Variants in CABCOCO1 observed in about 807,000 individuals in gnomAD.
The protein encoded by CABCOCO1 is ciliary-associated calcium-binding coiled-coil protein 1.
A neutral mutation model predicts 35.7 loss-of-function variants in CABCOCO1; 28 were observed. The observed-to-expected ratio is 0.78, with a 90% confidence interval of 0.58 to 1.07. The LOEUF (loss-of-function observed/expected upper bound fraction) is 1.07. Ranked by LOEUF, CABCOCO1 falls within the 50% of genes least tolerant of loss-of-function variation. The probability of loss-of-function intolerance (pLI) is 0.00; values close to 1 mark genes in which losing one functional copy is unlikely to be tolerated. For missense variants in CABCOCO1, 326 were observed against 309.2 expected (o/e 1.05, Z -0.41); for synonymous variants, 95 against 100.1 (o/e 0.95, Z 0.30).
At chr10:61,680,398 T>TATACATATAACATATAATATATATATTTA (rs1839682773) in intron 2 of CABCOCO1, among the ~76,000 whole-genome samples, 2 of 133,212 alleles carry the variant, frequency 1.5e-5, no homozygotes, top group South Asian at 2.2e-4. Flanking sequence ...ATATATATTT[T>TATACATATAACATATAATATATATATTTA]TATATATAAC....
At chr10:61,727,487 A>G (rs1365815388) in intron 5 of CABCOCO1, among the ~76,000 whole-genome samples, 2 of 152,200 alleles carry the variant, frequency 1.3e-5, no homozygotes, top group African/African-American at 2.4e-5. Context: ...ATGTATAATC[A>G]AACCCCTTAT....
chr10:61,676,918 G>A (rs1427559140), intron 2 of CABCOCO1, among the ~76,000 whole-genome samples: 2 of 151,874 alleles, frequency 1.3e-5, no homozygotes, highest in Non-Finnish European at 2.9e-5. Flanking sequence ...AAAAAATTTA[G>A]CCGAGCGTGG....
chr10:61,699,850 C>G (rs954972826), intron 5 of CABCOCO1, among the ~76,000 whole-genome samples: 4 of 152,098 alleles, frequency 2.6e-5, no homozygotes, highest in Non-Finnish European at 5.9e-5. Context: ...ATCTGGGTAA[C>G]TGACATTATT....
chr10:61,759,087 T>G (rs1309106026), intron 5 of CABCOCO1, among the ~76,000 whole-genome samples: 1 of 151,964 alleles, frequency 6.6e-6, no homozygotes, highest in Non-Finnish European at 1.5e-5. Context: ...AACTTATGTT[T>G]GAAGCTCTAA....
At chr10:61,735,653 T>C (rs1044328973) in intron 5 of CABCOCO1, among the ~76,000 whole-genome samples, 2 of 152,172 alleles carry the variant, frequency 1.3e-5, no homozygotes, top group African/African-American at 4.8e-5. Context: ...TTTCCCTCTG[T>C]ATTTCTTCTG....
chr10:61,740,193 T>C (rs57946343), intron 5 of CABCOCO1, among the ~76,000 whole-genome samples: 15,116 of 152,240 alleles, frequency 0.099, 908 homozygotes, highest in Middle Eastern at 0.17. Context: ...AACAAACAGA[T>C]AGGACTGGAT....
chr10:61,729,748 T>C (rs1189655913), intron 5 of CABCOCO1, among the ~76,000 whole-genome samples: 2 of 152,182 alleles, frequency 1.3e-5, no homozygotes, highest in African/African-American at 4.8e-5. Flanking sequence ...TTTTAGAATG[T>C]GGTGTATACA....
chr10:61,672,135 C>T (rs1839378904), intron 1 of CABCOCO1, among the ~76,000 whole-genome samples: 1 of 152,192 alleles, frequency 6.6e-6, no homozygotes, highest in South Asian at 2.1e-4. Flanking sequence ...CACACCTAAC[C>T]TTCCAAAGCC....
intron 2 of CABCOCO1, among the ~76,000 whole-genome samples, chr10:61,674,211 G>A (rs980529466): frequency 1.3e-5 from 2 of 151,960 alleles, no homozygotes; most frequent in African/African-American, 4.8e-5. Context: ...AAAATTATTG[G>A]CTCTCTTTGT....
chr10:61,740,752 G>T (rs1006911995), intron 5 of CABCOCO1, among the ~76,000 whole-genome samples: 1 of 152,076 alleles, frequency 6.6e-6, no homozygotes, highest in Non-Finnish European at 1.5e-5. Context: ...AGTGGAATAT[G>T]AAACGAACAA....
chr10:61,756,425 C>A (rs1841898706), intron 5 of CABCOCO1, among the ~76,000 whole-genome samples: 1 of 151,944 alleles, frequency 6.6e-6, no homozygotes, highest in East Asian at 1.9e-4. Context: ...GTTTAGAAAT[C>A]TATTCTCTTC....
intron 5 of CABCOCO1, among the ~76,000 whole-genome samples, chr10:61,742,736 T>C (rs541123462): frequency 2.8e-4 from 42 of 152,314 alleles, no homozygotes; most frequent in Admixed American, 2.5e-3. Context: ...TTGCATTTGG[T>C]TTTCCTGCCA....
At chr10:61,691,644 GC>G (rs1368512262) in intron 5 of CABCOCO1, among the ~76,000 whole-genome samples, 1 of 150,668 alleles carries the variant, frequency 6.6e-6, no homozygotes, top group African/African-American at 2.4e-5. Context: ...CCCTCCCCTT[GC>G]CCCCCACTCC....
At chr10:61,712,423 G>C (rs919898289) in intron 5 of CABCOCO1, among the ~76,000 whole-genome samples, 2 of 152,146 alleles carry the variant, frequency 1.3e-5, no homozygotes, top group African/African-American at 2.4e-5. Context: ...CAGATGGGTA[G>C]ATTACAAAAA....
At chr10:61,747,503 G>C (rs929854642) in intron 5 of CABCOCO1, among the ~76,000 whole-genome samples, 2 of 152,112 alleles carry the variant, frequency 1.3e-5, no homozygotes, top group African/African-American at 2.4e-5. Context: ...CTAGCAATCT[G>C]AAATATGTTA....
In CABCOCO1 at chr10:61,705,249, T is replaced by C. The variant is rs143735179; in HGVS notation, c.552+14628T>C. Among the ~76,000 whole-genome samples, 5 of 152,284 alleles carry C rather than the reference T, an allele frequency of 3.3e-5. No individual in the cohort carries two copies. In the East Asian group the frequency reaches 9.7e-4, roughly 29 times the overall value. ...AACAGGAAGAAGCATACATTTTAAT[T>C]TCACATGATCAAAGCTACTGTACAG... On this transcript the variant is annotated intron_variant, in intron 5 of 7. Coordinates refer to ENST00000648843, the MANE Select transcript of CABCOCO1 (RefSeq NM_001366906.2).
In CABCOCO1 at chr10:61,700,644, T is replaced by C. The variant is rs563789692; in HGVS notation, c.552+10023T>C. Among the ~76,000 whole-genome samples, 6 of 152,210 alleles carry C rather than the reference T, an allele frequency of 3.9e-5. No individual in the cohort carries two copies. The South Asian group carries it at 1.2e-3, about 32-fold the overall frequency. On this transcript the variant is annotated intron_variant, in intron 5 of 7. Transcript: ENST00000648843. ...TTACCTTTTGAGCCAAGGATTGTCC[T>C]TCACTGGATTTATCCCAAGTAGATA...
At chr10:61,693,740 C>G (rs534927127) in intron 5 of CABCOCO1, among the ~76,000 whole-genome samples, 39 of 152,150 alleles carry the variant, frequency 2.6e-4, no homozygotes. Flanking sequence ...CCTAACTTCT[C>G]ATTTGCTGGA....
At chr10:61,680,478 A>T (rs1156980902) in intron 2 of CABCOCO1, among the ~76,000 whole-genome samples, 2 of 25,484 alleles carry the variant, frequency 7.8e-5, no homozygotes, top group African/African-American at 1.4e-4. Flanking sequence ...ATATATATTT[A>T]TATATATAAC....
Sources: allele counts gnomAD v4.1 joint callset (sites outside exome capture counted in the v4.1 genomes callset), GRCh38; gene constraint gnomAD v4.1.1; transcripts MANE v1.5; gene names NCBI Gene and HGNC (gene_info 2026-07-23, HGNC 2026-07-21).